C9: variants seen among roughly 807,000 people sequenced by gnomAD.
C9 encodes the protein complement C9.
Under a neutral mutation model 65.4 loss-of-function variants are expected in C9, and 63 were observed. The observed-to-expected ratio is 0.96, with a 90% CI of 0.79 to 1.19. The LOEUF (loss-of-function observed/expected upper bound fraction) is 1.19. Ranked by LOEUF, C9 falls within the 50% of genes most tolerant of loss-of-function variation. The probability of loss-of-function intolerance (pLI) is 0.00; values close to 1 mark genes in which losing one functional copy is unlikely to be tolerated. For synonymous variants in C9, 229 were observed against 227.9 expected, an observed-to-expected ratio of 1.00 and a Z score of -0.04; for missense variants, 744 against 670.1, an observed-to-expected ratio of 1.11 and a Z score of -1.22.
At chr5:39,343,826 C>A (rs905931263) in intron 1 of C9, among the ~76,000 whole-genome samples, 1 of 152,090 alleles carries the variant, frequency 6.6e-6, no homozygotes, top group African/African-American at 2.4e-5. Flanking sequence ...TGATATGAAG[C>A]TTCCAGAGGA....
chr5:39,339,232 A>G (rs931204002), intron 4 of C9, among the ~76,000 whole-genome samples: 2 of 152,216 alleles, frequency 1.3e-5, no homozygotes, highest in African/African-American at 4.8e-5. Context: ...AAGACCATCC[A>G]TTTGATTTGA....
chr5:39,295,225 A>G (rs1337459657), intron 9 of C9, among the ~76,000 whole-genome samples: 1 of 151,844 alleles, frequency 6.6e-6, no homozygotes, highest in Non-Finnish European at 1.5e-5. Flanking sequence ...GGCAAGAGAA[A>G]GAAATAAAGG....
chr5:39,315,848 C>T lies in C9; in HGVS notation c.797G>A (p.Gly266Asp). ...ATATGAAAACCGAAAACTACCCTTG[C>T]CATGTAAAGAAATTGAGGAGGCTGT... ...EETASSISLH[G>D]KGSFRFSYSK... is the part of the protein sequence containing the mutation. Residue 266 changes from glycine (G) to aspartate (D), a missense_variant, in exon 6 of 11, where the codon GGC becomes GAC. Physicochemically the swap from Gly to Asp is moderately conservative, Grantham distance 94 (BLOSUM62 -1). Transcript: ENST00000263408. The T allele has an allele frequency of 3.7e-6, 6 of 1,611,008 alleles. No homozygotes were observed. Among genetic ancestry groups the T allele is most frequent in the Non-Finnish European group, 5.1e-6 (6 of 1,177,390 alleles).
At chr5:39,339,561 C>T (rs1363131274) in intron 4 of C9, among the ~76,000 whole-genome samples, 1 of 151,932 alleles carries the variant, frequency 6.6e-6, no homozygotes, top group Non-Finnish European at 1.5e-5. Context: ...CATCTCTGGC[C>T]TCCACCCACT....
rs1392187812 is a variant in C9 at position 39,306,579 on chromosome 5, GAC to G, written c.1416+36_1416+37del. 4.0e-6 allele frequency: 6 copies of G among 1,499,312 alleles called. No individual in the cohort carries two copies. The Admixed American group carries it at 5.0e-5, about 13-fold the overall frequency. The allele number at this position is 1,499,312 out of a possible 1,614,324, so 92.9% of individuals were successfully genotyped here. ...ACAATGTGACATTTAATAAAAAAATGACACAGTCTTCTGTTTGAAAATAAACA... is the reference window on the plus strand; with the variant it reads ...ACAATGTGACATTTAATAAAAAAATGACAGTCTTCTGTTTGAAAATAAACA... On this transcript the variant is annotated intron_variant, in intron 9 of 10. Coordinates refer to ENST00000263408, the MANE Select transcript of C9 (RefSeq NM_001737.5).
chr5:39,339,662 T>C (rs995481121), intron 4 of C9, among the ~76,000 whole-genome samples: 8 of 134,604 alleles, frequency 5.9e-5, no homozygotes, highest in African/African-American at 8.4e-5. Flanking sequence ...TTTTTTTTTT[T>C]TTTTTTTTTT....
At chr5:39,301,642 T>A (rs539453552) in intron 9 of C9, among the ~76,000 whole-genome samples, 1 of 152,248 alleles carries the variant, frequency 6.6e-6, no homozygotes, top group South Asian at 2.1e-4. Flanking sequence ...TCTGCACTAT[T>A]TGTGTAATTT....
intron 10 of C9, among the ~76,000 whole-genome samples, chr5:39,287,409 G>A (rs1048591667): frequency 2.0e-5 from 3 of 151,732 alleles, no homozygotes; most frequent in Non-Finnish European, 2.9e-5. Flanking sequence ...ATTAAAAATA[G>A]GACTACCACT....
chr5:39,354,337 A>G (rs938818807), intron 1 of C9, among the ~76,000 whole-genome samples: 3 of 152,204 alleles, frequency 2.0e-5, no homozygotes, highest in African/African-American at 7.2e-5. Context: ...CATAATCCTT[A>G]GATATTAAAA....
At chr5:39,285,920 A>G (rs1201354426) in intron 10 of C9, among the ~76,000 whole-genome samples, 3 of 152,064 alleles carry the variant, frequency 2.0e-5, no homozygotes, top group Non-Finnish European at 2.9e-5. Context: ...GGTGTAAGCT[A>G]GTGTAAATTG....
intron 1 of C9, among the ~76,000 whole-genome samples, chr5:39,355,678 G>A (rs545045646): frequency 1.3e-5 from 2 of 152,112 alleles, no homozygotes; most frequent in East Asian, 3.9e-4. Context: ...AGTTTTCTAG[G>A]GCCACCATAA....
At chr5:39,311,482 G>A (rs1228917575) in intron 6 of C9, 105 bp from the exon 7 acceptor site, 23 of 1,056,766 alleles carry the variant, frequency 2.2e-5, no homozygotes, top group Non-Finnish European at 3.2e-5. Flanking sequence ...TGTTTTAGCA[G>A]TGACCATGAG....
In C9 at chr5:39,339,758, C is replaced by T. The variant is rs1754038763; in HGVS notation, c.476+1388G>A. On this transcript the variant is annotated intron_variant, in intron 4 of 10. Coordinates refer to ENST00000263408, the MANE Select transcript of C9 (RefSeq NM_001737.5). ...CACTGCAAGCTGTGCCTCCTGGGTT[C>T]ACACCATTCTCCTGCCTCAGCCTCC... Among the ~76,000 whole-genome samples the T allele has an allele frequency of 2.1e-5, 3 of 144,626 alleles. No homozygotes were observed. The South Asian group carries it at 6.8e-4, about 33-fold the overall frequency. The allele number at this position is 144,626 out of a possible 152,430, so 94.9% of individuals were successfully genotyped here.
At chr5:39,301,552 C>A (rs960188040) in intron 9 of C9, among the ~76,000 whole-genome samples, 2 of 152,036 alleles carry the variant, frequency 1.3e-5, no homozygotes, top group African/African-American at 4.8e-5. Flanking sequence ...TAAGTGAATT[C>A]TCTCTACTAT....
intron 2 of C9, 100 bp downstream of exon 2, chr5:39,341,991 T>G: frequency 1.2e-6 from 1 of 803,648 alleles, no homozygotes; most frequent in East Asian, 2.4e-5. Flanking sequence ...GGTTTGGAAC[T>G]CAGTTGTGGG....
At chr5:39,324,462 T>C (rs1349175020) in intron 5 of C9, among the ~76,000 whole-genome samples, 2 of 152,236 alleles carry the variant, frequency 1.3e-5, no homozygotes, top group South Asian at 2.1e-4. Context: ...AGAAAGGAAA[T>C]GGCATAAGGC....
At chr5:39,360,791 G>C (rs1170362451) in intron 1 of C9, among the ~76,000 whole-genome samples, 1 of 151,950 alleles carries the variant, frequency 6.6e-6, no homozygotes, top group African/African-American at 2.4e-5. Flanking sequence ...CAAAAGGTTG[G>C]CCTGTGGTTC....
rs769127016 is a variant in C9, at chr5:39,311,118, G to A, written c.1111+19C>T. ...GGTCAAAACAGTATTTGAAGTCAGA[G>A]CTCTATTTCTAGGCATACCTTTCCG... On this transcript the variant is annotated intron_variant, in intron 7 of 10. Coordinates refer to ENST00000263408, the MANE Select transcript of C9 (RefSeq NM_001737.5). The A allele has an allele frequency of 6.2e-7, 1 of 1,612,060 alleles. No homozygotes were observed. Among genetic ancestry groups the A allele is most frequent in the Non-Finnish European group, 8.5e-7 (1 of 1,178,278 alleles).
intron 10 of C9, among the ~76,000 whole-genome samples, chr5:39,285,477 A>T (rs1351473162): frequency 6.6e-6 from 1 of 152,162 alleles, no homozygotes; most frequent in African/African-American, 2.4e-5. Flanking sequence ...GTTCTCAGGC[A>T]GCATAGATAG....
Sources: gnomAD v4.1 joint callset for allele counts (sites outside exome capture counted in the v4.1 genomes callset) on GRCh38, gnomAD v4.1.1 for gene constraint, MANE v1.5 for transcripts, NCBI Gene and HGNC (gene_info 2026-07-23, HGNC 2026-07-21) for gene names.